Variants in TBC1D22B observed in about 807,000 individuals in gnomAD.
The protein encoded by TBC1D22B is chromosome 6 open reading frame 197.
In TBC1D22B, 32 loss-of-function variants were observed where a neutral mutation model predicts 69.1. That is an observed-to-expected ratio of 0.46 (90% CI 0.35 to 0.62). The LOEUF is 0.62. Ranked by LOEUF, TBC1D22B falls within the 20% of genes least tolerant of loss-of-function variation. TBC1D22B has a pLI of 0.00. For synonymous variants in TBC1D22B, 206 were observed against 229.8 expected (o/e 0.90, Z 0.94); for missense variants, 462 against 630.9 (o/e 0.73, Z 2.87).
At chr6:37,281,366 T>C (rs1766822203) in intron 3 of TBC1D22B, among the ~76,000 whole-genome samples, 1 of 152,368 alleles carries the variant, frequency 6.6e-6, no homozygotes, top group Middle Eastern at 3.4e-3. Flanking sequence ...CTACTGCTTA[T>C]TCCCCCTACC....
At chr6:37,267,430 T>C (rs1309047061) in intron 1 of TBC1D22B, among the ~76,000 whole-genome samples, 1 of 143,600 alleles carries the variant, frequency 7.0e-6, no homozygotes, top group Non-Finnish European at 1.5e-5. Context: ...ACATATAATA[T>C]ATATACACAC....
intron 8 of TBC1D22B, among the ~76,000 whole-genome samples, chr6:37,305,674 C>T (rs866467066): frequency 2.0e-5 from 3 of 152,080 alleles, no homozygotes; most frequent in African/African-American, 2.4e-5. Context: ...CCCGCCACCA[C>T]GCCTGGCTAT....
chr6:37,322,072 AATC>A (rs1768268119), intron 12 of TBC1D22B, among the ~76,000 whole-genome samples: 1 of 152,176 alleles, frequency 6.6e-6, no homozygotes, highest in Non-Finnish European at 1.5e-5. Flanking sequence ...ATTTTTACAT[AATC>A]ACAATTCATT....
chr6:37,269,123 T>C lies in TBC1D22B; in HGVS notation c.57-471T>C, dbSNP rs1766400542. Among the ~76,000 whole-genome samples the C allele has an allele frequency of 3.3e-5, 5 of 152,206 alleles. 2 individuals carry two copies. The South Asian group carries it at 1.0e-3, about 32-fold the overall frequency. ...ATTCTTCCTAGATATGGCTAAATTATTTTACTTTATACCCCTCCTGCAGTG... is the reference window on the plus strand; with the variant it reads ...ATTCTTCCTAGATATGGCTAAATTACTTTACTTTATACCCCTCCTGCAGTG... On this transcript the variant is annotated intron_variant, in intron 1 of 12. Coordinates refer to ENST00000373491, the MANE Select transcript of TBC1D22B (RefSeq NM_017772.4).
chr6:37,320,404 A>C (rs899470295), intron 12 of TBC1D22B, among the ~76,000 whole-genome samples: 118 of 152,338 alleles, frequency 7.7e-4, no homozygotes, highest in African/African-American at 2.7e-3. Flanking sequence ...AGAATAAAGA[A>C]ACAAATACAT....
chr6:37,261,680 A>G (rs1267161035), intron 1 of TBC1D22B, among the ~76,000 whole-genome samples: 1 of 152,126 alleles, frequency 6.6e-6, no homozygotes, highest in Non-Finnish European at 1.5e-5. Flanking sequence ...GATAGTTACG[A>G]TGATAGTAGC....
At chr6:37,327,468 A>G (rs1186255627) in intron 12 of TBC1D22B, among the ~76,000 whole-genome samples, 1 of 41,942 alleles carries the variant, frequency 2.4e-5, no homozygotes, top group African/African-American at 1.8e-4. Context: ...ACAGAGCCAG[A>G]CTCCGACTCA....
Position 37,332,405 on chromosome 6 carries a change from G to C in TBC1D22B, c.*1233G>C, listed in dbSNP as rs1768609444. On this transcript the variant is annotated 3_prime_UTR_variant, in exon 13 of 13. Coordinates refer to ENST00000373491, the MANE Select transcript of TBC1D22B (RefSeq NM_017772.4). ...TCCCCGGAATCTGGGGAGGGCTTTT[G>C]TTTTTACGTTTTCAAGTTCAGCATT... 1.3e-5 allele frequency: 2 copies of C among 152,606 alleles called. No homozygotes were observed. The highest frequency in any genetic ancestry group is 4.1e-4 in the South Asian group (2 of 4,824). 9.5% of individuals were successfully genotyped at this position (152,606 alleles called of 1,614,324 possible). A position where few individuals can be genotyped will look rare whatever the true frequency, so the allele number is the denominator to read the frequency against.
At chr6:37,282,047 A>G (rs1316341889) in intron 3 of TBC1D22B, 138 bp from the exon 4 acceptor site, 7 of 920,992 alleles carry the variant, frequency 7.6e-6, no homozygotes, top group African/African-American at 1.7e-5. Context: ...GCTGCCCTTC[A>G]GCTGGGCACC....
chr6:37,295,707 T>G, intron 8 of TBC1D22B: 1 of 355,166 alleles, frequency 2.8e-6, no homozygotes, highest in Non-Finnish European at 5.6e-6. Context: ...CCTCTCCAAA[T>G]CCATCGATTC....
chr6:37,269,551 C>G (rs763371540), intron 1 of TBC1D22B, 43 bp from the exon 2 acceptor site: 6 of 1,586,776 alleles, frequency 3.8e-6, no homozygotes, highest in Non-Finnish European at 5.2e-6. Context: ...TATTTAGTTT[C>G]CTAACTAAAC....
intron 8 of TBC1D22B, among the ~76,000 whole-genome samples, chr6:37,297,731 A>G (rs1366564566): frequency 1.3e-5 from 2 of 152,256 alleles, no homozygotes; most frequent in East Asian, 3.8e-4. Flanking sequence ...TTCTACTGTA[A>G]AGATATATGC....
chr6:37,332,358 C>G lies in TBC1D22B; in HGVS notation c.*1186C>G, dbSNP rs1455178193. On this transcript the variant is annotated 3_prime_UTR_variant, in exon 13 of 13. Coordinates refer to ENST00000373491, the MANE Select transcript of TBC1D22B (RefSeq NM_017772.4). Reference sequence around the variant, plus strand: ...GACTGCAGAGGCGGGCAAGCCCTCTCTATGTGTTTTTATCCCCACCTTCCC... The same window carrying G: ...GACTGCAGAGGCGGGCAAGCCCTCTGTATGTGTTTTTATCCCCACCTTCCC... 6.6e-6 allele frequency: 1 copy of G among 152,574 alleles called. No individual in the cohort carries two copies. Among genetic ancestry groups the G allele is most frequent in the African/African-American group, 2.4e-5 (1 of 41,422 alleles). 9.5% of individuals were successfully genotyped at this position (152,574 alleles called of 1,614,324 possible).
chr6:37,311,919 C>G (rs1767923480), intron 8 of TBC1D22B, among the ~76,000 whole-genome samples: 1 of 152,224 alleles, frequency 6.6e-6, no homozygotes, highest in Non-Finnish European at 1.5e-5. Context: ...TACTTCACCT[C>G]TCTGTGACAG....
At chr6:37,262,681 A>G (rs1766145477) in intron 1 of TBC1D22B, among the ~76,000 whole-genome samples, 1 of 152,230 alleles carries the variant, frequency 6.6e-6, no homozygotes, top group Non-Finnish European at 1.5e-5. Context: ...ACTAGAAGAT[A>G]CTAAATTATC....
intron 12 of TBC1D22B, among the ~76,000 whole-genome samples, chr6:37,319,508 T>A (rs995297341): frequency 6.6e-6 from 1 of 152,244 alleles, no homozygotes; most frequent in African/African-American, 2.4e-5. Context: ...TCTGTGACTT[T>A]ACAGCTATGT....
At chr6:37,278,727 C>G (rs1177576715) in intron 2 of TBC1D22B, among the ~76,000 whole-genome samples, 1 of 152,020 alleles carries the variant, frequency 6.6e-6, no homozygotes, top group Non-Finnish European at 1.5e-5. Flanking sequence ...CCCAGGAGTT[C>G]AAGACCAGCC....
chr6:37,270,538 A>C (rs999716973), intron 2 of TBC1D22B, among the ~76,000 whole-genome samples: 2 of 152,200 alleles, frequency 1.3e-5, no homozygotes, highest in Admixed American at 1.3e-4. Flanking sequence ...TTCAAGCACA[A>C]CAGAGACTCT....
chr6:37,326,163 C>T (rs1229977697), intron 12 of TBC1D22B, among the ~76,000 whole-genome samples: 2 of 151,642 alleles, frequency 1.3e-5, no homozygotes, highest in African/African-American at 2.4e-5. Context: ...GGGCAGATTA[C>T]GAGGTCAAGA....
Sources: gnomAD v4.1 joint callset for allele counts (sites outside exome capture counted in the v4.1 genomes callset) on GRCh38, gnomAD v4.1.1 for gene constraint, MANE v1.5 for transcripts, NCBI Gene and HGNC (gene_info 2026-07-23, HGNC 2026-07-21) for gene names.